Variants in SHROOM4 observed in about 807,000 individuals in gnomAD.
SHROOM4 encodes shroom family member 4.
SHROOM4 carries 17 observed loss-of-function variants against 80.3 expected under a neutral mutation model. That is an observed-to-expected ratio of 0.21 (90% CI 0.14 to 0.32). The LOEUF (loss-of-function observed/expected upper bound fraction) is 0.32. Ranked by LOEUF, SHROOM4 falls within the 10% of genes least tolerant of loss-of-function variation. SHROOM4 has a pLI of 1.00. For missense variants in SHROOM4, 993 were observed against 1,140.3 expected, an observed-to-expected ratio of 0.87 and a Z score of 1.86; for synonymous variants, 400 against 437.5, an observed-to-expected ratio of 0.91 and a Z score of 1.07.
chrX:50,620,166 A>C (rs1304002802), intron 5 of SHROOM4, among the ~76,000 whole-genome samples: 3 of 111,991 alleles, frequency 2.7e-5, no homozygotes, highest in Non-Finnish European at 5.6e-5. Context: ...AAATTCCAAC[A>C]ACTTGACATG....
chrX:50,695,720 T>G, intron 2 of SHROOM4, 66 bp downstream of exon 2: 100 of 1,107,649 alleles, frequency 9.0e-5, no homozygotes, highest in Non-Finnish European at 1.1e-4. Context: ...ATGACTCTAT[T>G]GAGCTTTATT....
intron 5 of SHROOM4, among the ~76,000 whole-genome samples, chrX:50,621,122 C>T (rs1308209229): frequency 8.9e-6 from 1 of 111,978 alleles, no homozygotes; most frequent in East Asian, 2.8e-4. Flanking sequence ...ACTTTCTATA[C>T]AGTATGTGAT....
chrX:50,735,798 G>C (rs1338186408), intron 1 of SHROOM4, among the ~76,000 whole-genome samples: 2 of 111,054 alleles, frequency 1.8e-5, no homozygotes, highest in South Asian at 3.8e-4. Context: ...ACGAGGTCAG[G>C]AGTTTGAGAC....
chrX:50,678,648 C>T (rs1360293211), intron 2 of SHROOM4, among the ~76,000 whole-genome samples: 1 of 111,386 alleles, frequency 9.0e-6, no homozygotes, highest in Non-Finnish European at 1.9e-5. Context: ...TTTTTTCTAA[C>T]CACATGTTTT....
chrX:50,691,239 G>T (rs1213557659), intron 2 of SHROOM4, among the ~76,000 whole-genome samples: 4 of 108,047 alleles, frequency 3.7e-5, no homozygotes, highest in African/African-American at 1.4e-4. Context: ...CATGTTTTTT[G>T]CAAAAAAAAA....
intron 1 of SHROOM4, among the ~76,000 whole-genome samples, chrX:50,797,253 CG>C (rs782621107): frequency 3.4e-4 from 38 of 110,960 alleles, no homozygotes; most frequent in Admixed American, 9.6e-4. Context: ...TGGAGAAGGT[CG>C]AGTCTGAATG....
At chrX:50,804,917 TTTAAG>T (rs1936196609) in intron 1 of SHROOM4, among the ~76,000 whole-genome samples, 1 of 110,471 alleles carries the variant, frequency 9.1e-6, no homozygotes, top group African/African-American at 3.3e-5. Context: ...TGATCGCCAA[TTTAAG>T]TTAATACAGA....
intron 7 of SHROOM4, 98 bp downstream of exon 7, chrX:50,602,535 G>A: frequency 1.2e-6 from 1 of 862,979 alleles, no homozygotes; most frequent in Non-Finnish European, 1.7e-6. Flanking sequence ...GAAAATATGG[G>A]AATGCGAGAT....
intron 2 of SHROOM4, among the ~76,000 whole-genome samples, chrX:50,642,307 C>T (rs1205623620): frequency 8.9e-6 from 1 of 112,139 alleles, no homozygotes; most frequent in Admixed American, 9.4e-5. Context: ...TGAAATCAAC[C>T]AGCATAGTGC....
At chrX:50,721,344 G>T (rs1222494012) in intron 1 of SHROOM4, among the ~76,000 whole-genome samples, 1 of 112,549 alleles carries the variant, frequency 8.9e-6, no homozygotes, top group East Asian at 2.8e-4. Context: ...CAGCCCTGAG[G>T]GCTGCTGGTT....
At chrX:50,812,342 C>T (rs1364552004) in intron 1 of SHROOM4, among the ~76,000 whole-genome samples, 5 of 79,186 alleles carry the variant, frequency 6.3e-5, no homozygotes, top group Non-Finnish European at 9.9e-5. Flanking sequence ...AAAAAAAAAG[C>T]ATATAACTTT....
rs1219303544 is a variant in SHROOM4, at chrX:50,588,317, A to G, written c.*8378T>C. ...TCATCTACGGAGAACCTACCATATG[A>G]ACAGCTCTACCAGAGACCTCATTTG... is the stretch of plus-strand genomic sequence containing the variant. On this transcript the variant is annotated 3_prime_UTR_variant, in exon 9 of 9. Coordinates refer to ENST00000376020, the MANE Select transcript of SHROOM4 (RefSeq NM_020717.5). Among the ~76,000 whole-genome samples the G allele has an allele frequency of 8.9e-6, 1 of 111,859 alleles. No individual in the cohort carries two copies. Among genetic ancestry groups the G allele is most frequent in the East Asian group, 2.8e-4 (1 of 3,563 alleles).
chrX:50,794,242 T>A (rs1557271807), intron 1 of SHROOM4, among the ~76,000 whole-genome samples: 2 of 111,683 alleles, frequency 1.8e-5, no homozygotes, highest in African/African-American at 6.5e-5. Context: ...GCTATTTAAC[T>A]TTTTTTAACT....
intron 2 of SHROOM4, among the ~76,000 whole-genome samples, chrX:50,652,052 T>C (rs1366634138): frequency 1.8e-5 from 2 of 112,192 alleles, no homozygotes; most frequent in Admixed American, 9.4e-5. Flanking sequence ...TACGTGTACA[T>C]GTGTCTTTAC....
At chrX:50,609,942 A>C (rs1929880426) in intron 5 of SHROOM4, among the ~76,000 whole-genome samples, 1 of 110,860 alleles carries the variant, frequency 9.0e-6, no homozygotes, top group South Asian at 3.8e-4. Context: ...TCAGAGTATA[A>C]AGAGTTAAGC....
intron 2 of SHROOM4, among the ~76,000 whole-genome samples, chrX:50,694,141 T>C (rs782393897): frequency 8.9e-6 from 1 of 112,047 alleles, no homozygotes; most frequent in South Asian, 3.7e-4. Flanking sequence ...TTCCATATCT[T>C]GTTTATTGTG....
chrX:50,738,914 T>C (rs1557266949), intron 1 of SHROOM4, among the ~76,000 whole-genome samples: 1 of 111,555 alleles, frequency 9.0e-6, no homozygotes, highest in African/African-American at 3.3e-5. Context: ...GGCATCACGC[T>C]ACCTGACTTC....
chrX:50,715,365 G>A (rs1171580768), intron 1 of SHROOM4, among the ~76,000 whole-genome samples: 1 of 111,626 alleles, frequency 9.0e-6, no homozygotes, highest in Admixed American at 9.5e-5. Flanking sequence ...TGGGTGCTCA[G>A]TAGATGTGTG....
chrX:50,805,243 C>G (rs782169911), intron 1 of SHROOM4, among the ~76,000 whole-genome samples: 1 of 111,584 alleles, frequency 9.0e-6, no homozygotes, highest in African/African-American at 3.3e-5. Flanking sequence ...TTACTTCTAG[C>G]TCTACCTCAT....
Sources: allele counts gnomAD v4.1 joint callset (sites outside exome capture counted in the v4.1 genomes callset), GRCh38; gene constraint gnomAD v4.1.1; transcripts MANE v1.5; gene names NCBI Gene and HGNC (gene_info 2026-07-23, HGNC 2026-07-21).